Variants in KDM4B observed in about 807,000 individuals in gnomAD.
KDM4B encodes the protein lysine-specific demethylase 4B.
Under a neutral mutation model 125.2 loss-of-function variants are expected in KDM4B, and 32 were observed. The observed-to-expected ratio is 0.26, with a 90% CI of 0.19 to 0.34. KDM4B has a LOEUF of 0.34. Among genes scored for constraint, KDM4B ranks in the 10% least tolerant of loss-of-function variants. The pLI is 1.00. For missense variants in KDM4B, 1,190 were observed against 1,577.7 expected (o/e 0.75, Z 4.16); for synonymous variants, 721 against 677.9 (o/e 1.06, Z -0.99).
chr19:4,969,477 C>A (rs2034168125), intron 1 of KDM4B, among the ~76,000 whole-genome samples: 1 of 148,334 alleles, frequency 6.7e-6, no homozygotes, highest in Non-Finnish European at 1.5e-5. Flanking sequence ...TGGCGGGGCG[C>A]GCCCAGGGGC....
intron 9 of KDM4B, among the ~76,000 whole-genome samples, chr19:5,110,112 C>T (rs1041975770): frequency 1.3e-5 from 2 of 152,170 alleles, no homozygotes; most frequent in African/African-American, 4.8e-5. Context: ...GTGGCCGTTC[C>T]AACTCCGTGG....
intron 22 of KDM4B, among the ~76,000 whole-genome samples, chr19:5,150,663 G>T (rs2039930601): frequency 6.6e-6 from 1 of 152,152 alleles, no homozygotes; most frequent in Admixed American, 6.5e-5. Context: ...CGCAGCTCCT[G>T]GGCGATGCCG....
intron 6 of KDM4B, among the ~76,000 whole-genome samples, chr19:5,060,559 T>TG: frequency 6.7e-6 from 1 of 150,366 alleles, no homozygotes; most frequent in East Asian, 2.1e-4. Flanking sequence ...TAAACCATCC[T>TG]GTGCCTTTTA....
Position 5,151,642 on chromosome 19 carries a change from C to T in KDM4B, c.*131C>T. ...GGCCACCTCCAAGCCGCGGGTGCCC[C>T]CTAGGGCGACAGGAGCCAGCGGGAC... On this transcript the variant is annotated 3_prime_UTR_variant, in exon 23 of 23. Coordinates refer to ENST00000159111, the MANE Select transcript of KDM4B (RefSeq NM_015015.3). The T allele has an allele frequency of 1.2e-6, 1 of 810,848 alleles. No individual in the cohort carries two copies. Among genetic ancestry groups the T allele is most frequent in the Non-Finnish European group, 1.7e-6 (1 of 600,298 alleles). The allele number at this position is 810,848 out of a possible 1,614,324, so 50.2% of individuals were successfully genotyped here.
chr19:5,126,769 G>A (rs933132832), intron 11 of KDM4B, among the ~76,000 whole-genome samples: 3 of 152,366 alleles, frequency 2.0e-5, no homozygotes, highest in African/African-American at 7.2e-5. Flanking sequence ...GGTTCAGCAC[G>A]GGAGGGTGGC....
intron 22 of KDM4B, among the ~76,000 whole-genome samples, chr19:5,150,851 G>A (rs575988088): frequency 1.7e-3 from 252 of 152,316 alleles, no homozygotes; most frequent in Non-Finnish European, 3.0e-3. Context: ...CCAGTTGTCG[G>A]CTTAAAAAAG....
chr19:5,150,153 C>T (rs1222872298), intron 21 of KDM4B, among the ~76,000 whole-genome samples: 1 of 152,250 alleles, frequency 6.6e-6, no homozygotes, highest in African/African-American at 2.4e-5. Flanking sequence ...TCATCCTTGC[C>T]CCGTGGTACG....
chr19:5,064,524 CGCTGGCAGGA>C (rs1001684849), intron 6 of KDM4B, among the ~76,000 whole-genome samples: 6 of 152,170 alleles, frequency 3.9e-5, no homozygotes, highest in Admixed American at 1.3e-4. Context: ...CGAGAGCTTC[CGCTGGCAGGA>C]GCTGTCAGGC....
intron 11 of KDM4B, among the ~76,000 whole-genome samples, chr19:5,123,010 C>T (rs2039388565): frequency 6.6e-6 from 1 of 152,248 alleles, no homozygotes; most frequent in Non-Finnish European, 1.5e-5. Context: ...GGGCACGTTT[C>T]CTGGAGAGAC....
At chr19:5,140,165 C>G (rs146910669) in intron 18 of KDM4B, 1 of 152,770 alleles carries the variant, frequency 6.5e-6, no homozygotes, top group East Asian at 1.9e-4. Flanking sequence ...TCTGCAGCCT[C>G]GCTCCCCCAG....
chr19:5,125,097 G>A (rs144272747), intron 11 of KDM4B, among the ~76,000 whole-genome samples: 57 of 149,802 alleles, frequency 3.8e-4, no homozygotes, highest in African/African-American at 1.3e-3. Flanking sequence ...ACGGGGTCTC[G>A]CTATGTTGCC....
chr19:5,088,238 C>A (rs369302950), intron 9 of KDM4B, among the ~76,000 whole-genome samples: 3 of 152,204 alleles, frequency 2.0e-5, no homozygotes, highest in Non-Finnish European at 2.9e-5. Flanking sequence ...AGGGAGTCGG[C>A]GGCTTAGCTT....
chr19:4,976,219 A>G (rs959254815), intron 1 of KDM4B, among the ~76,000 whole-genome samples: 10 of 149,088 alleles, frequency 6.7e-5, no homozygotes, highest in Admixed American at 6.7e-4. Flanking sequence ...ACTGCACTCC[A>G]GCCTGGGCGA....
chr19:4,977,528 G>A (rs944511487), intron 1 of KDM4B, among the ~76,000 whole-genome samples: 1 of 152,226 alleles, frequency 6.6e-6, no homozygotes, highest in Admixed American at 6.5e-5. Context: ...GGCACCTTCC[G>A]AGCCGCCGGC....
At chr19:5,067,083 C>T (rs2037794334) in intron 6 of KDM4B, among the ~76,000 whole-genome samples, 1 of 152,168 alleles carries the variant, frequency 6.6e-6, no homozygotes, top group South Asian at 2.1e-4. Context: ...GGGACCTGTG[C>T]AGGCCACCCC....
intron 2 of KDM4B, 38 bp from the exon 3 acceptor site, chr19:5,032,828 G>A (rs2036501187): frequency 6.3e-6 from 10 of 1,579,068 alleles, no homozygotes; most frequent in African/African-American, 4.0e-5. Flanking sequence ...TGGGCATGGC[G>A]GCACCGCTGG....
At chr19:5,069,100 G>C (rs546703508) in intron 6 of KDM4B, among the ~76,000 whole-genome samples, 1 of 152,192 alleles carries the variant, frequency 6.6e-6, no homozygotes, top group East Asian at 1.9e-4. Flanking sequence ...AATCATAAAA[G>C]CCCATTTAAA....
chr19:5,117,615 C>G (rs1159103863), intron 10 of KDM4B, among the ~76,000 whole-genome samples: 1 of 152,194 alleles, frequency 6.6e-6, no homozygotes, highest in Non-Finnish European at 1.5e-5. Flanking sequence ...ATTTGCCTAG[C>G]CCCCTAGTGG....
chr19:5,110,609 TCCC>T lies in KDM4B; in HGVS notation c.919-11_919-9del. On this transcript the variant is annotated splice_polypyrimidine_tract_variant and intron_variant, in intron 9 of 22. Coordinates refer to ENST00000159111, the MANE Select transcript of KDM4B (RefSeq NM_015015.3). ...GTGTGGCGCGAGGGCTCAGACCGTG[TCCC>T]CTGCCGCAGTGCACGTGCCGGAAGG... 1.2e-6 allele frequency: 2 copies of T among 1,612,588 alleles called. No homozygotes were observed. The highest frequency in any genetic ancestry group is 3.3e-5 in the Admixed American group (2 of 60,012).
Sources: allele counts gnomAD v4.1 joint callset (sites outside exome capture counted in the v4.1 genomes callset), GRCh38; gene constraint gnomAD v4.1.1; transcripts MANE v1.5; gene names NCBI Gene and HGNC (gene_info 2026-07-23, HGNC 2026-07-21).